FGF14: variants seen among roughly 807,000 people sequenced by gnomAD.
The protein encoded by FGF14 is fibroblast growth factor 14.
FGF14 carries 5 observed loss-of-function variants against 25.5 expected under a neutral mutation model. That is an observed-to-expected ratio of 0.20 (90% confidence interval 0.10 to 0.41). The LOEUF is 0.41. Ranked by LOEUF, FGF14 falls within the 10% of genes least tolerant of loss-of-function variation. The pLI, the probability that FGF14 is intolerant of heterozygous loss-of-function variation, is 1.00. For missense variants in FGF14, 222 were observed against 320.1 expected, an observed-to-expected ratio of 0.69 and a Z score of 2.34; for synonymous variants, 138 against 118.3, an observed-to-expected ratio of 1.17 and a Z score of -1.08.
intron 1 of FGF14, among the ~76,000 whole-genome samples, chr13:102,049,964 T>C (rs1453551604): frequency 3.3e-5 from 5 of 152,088 alleles, no homozygotes; most frequent in Non-Finnish European, 7.4e-5. Flanking sequence ...AGTGAGACAA[T>C]AGATTCCAAT....
intron 3 of FGF14, among the ~76,000 whole-genome samples, chr13:101,814,271 A>G (rs1000889131): frequency 6.6e-6 from 1 of 152,098 alleles, no homozygotes; most frequent in African/African-American, 2.4e-5. Context: ...GGTTTAAGAA[A>G]CCTTGTCCAA....
At chr13:101,953,271 T>C (rs1280370744) in intron 1 of FGF14, among the ~76,000 whole-genome samples, 1 of 152,154 alleles carries the variant, frequency 6.6e-6, no homozygotes, top group Non-Finnish European at 1.5e-5. Context: ...TTTATATTCT[T>C]CTGACTTTTT....
At chr13:102,031,194 C>A (rs2041190072) in intron 1 of FGF14, among the ~76,000 whole-genome samples, 1 of 152,082 alleles carries the variant, frequency 6.6e-6, no homozygotes, top group African/African-American at 2.4e-5. Flanking sequence ...CTTCTGCATA[C>A]TTATTTTGTA....
intron 1 of FGF14, among the ~76,000 whole-genome samples, chr13:101,975,206 GCCTCTTCTCATGGTA>G (rs1325946029): frequency 6.6e-6 from 1 of 151,994 alleles, no homozygotes; most frequent in Non-Finnish European, 1.5e-5. Context: ...TGTGTTTCCA[GCCTCTTCTCATGGTA>G]CTCTTTTCAC....
chr13:102,051,566 C>T (rs1007649084), intron 1 of FGF14, among the ~76,000 whole-genome samples: 4 of 152,194 alleles, frequency 2.6e-5, no homozygotes, highest in Non-Finnish European at 5.9e-5. Flanking sequence ...TGGCAGCCAT[C>T]ACCACCAAAT....
chr13:101,862,877 G>A (rs981740937), intron 3 of FGF14, among the ~76,000 whole-genome samples: 2 of 152,072 alleles, frequency 1.3e-5, no homozygotes, highest in African/African-American at 4.8e-5. Context: ...AAGAAATATT[G>A]TTAAAGCATG....
rs984935410 is a variant in FGF14, at chr13:101,720,827, C to A, written c.*2004G>T. The A allele has an allele frequency of 1.3e-5, 2 of 152,032 alleles. No individual in the cohort carries two copies. The highest frequency in any genetic ancestry group is 2.4e-5 in the African/African-American group (1 of 41,408). 9.4% of individuals were successfully genotyped at this position (152,032 alleles called of 1,614,324 possible). On this transcript the variant is annotated 3_prime_UTR_variant, in exon 5 of 5. Transcript: ENST00000376143. ...TTTGTTTGTTAGATTTGTAATTTAG[C>A]ATCATTGGCAATAAATCTACTCAAA... is the stretch of plus-strand genomic sequence containing the variant.
chr13:102,173,325 T>C lies in FGF14; in HGVS notation c.208+228146A>G, dbSNP rs544838590. Among the ~76,000 whole-genome samples, 2 of 152,060 alleles carry C rather than the reference T, an allele frequency of 1.3e-5. 1 individual carries two copies. The highest frequency in any genetic ancestry group is 4.2e-4 in the South Asian group (2 of 4,814). ...TAAGATGACTGTCATAAAAAAAAGA[T>C]AAAAAGCATTGGTGAGGACACGGAG... On this transcript the variant is annotated intron_variant, in intron 1 of 4. Transcript: ENST00000376131.
At chr13:101,912,470 T>TG (rs2033046183) in intron 1 of FGF14, among the ~76,000 whole-genome samples, 1 of 152,204 alleles carries the variant, frequency 6.6e-6, no homozygotes, top group Non-Finnish European at 1.5e-5. Flanking sequence ...ATAACACTTT[T>TG]GGGGATACAA....
chr13:101,880,584 A>G (rs2138793736), intron 1 of FGF14, among the ~76,000 whole-genome samples: 1 of 152,212 alleles, frequency 6.6e-6, no homozygotes, highest in Admixed American at 6.5e-5. Flanking sequence ...ACTAACAACA[A>G]CAAAAATAAA....
rs201890261 is a variant in FGF14 at position 102,224,443 on chromosome 13, TG to T, written c.208+177027del. Among the ~76,000 whole-genome samples the T allele has an allele frequency of 3.0e-3, 464 of 152,302 alleles. No individual in the cohort carries two copies. The Middle Eastern group carries it at 0.031, about 10-fold the overall frequency. On this transcript the variant is annotated intron_variant, in intron 1 of 4. Transcript: ENST00000376131. ...CAGGGTTATAGGGGTGTCAACTTTT[TG>T]GTGCACCATCATGTTATAGATTCGA...
At chr13:101,873,539 A>G (rs1380188747) in intron 2 of FGF14, among the ~76,000 whole-genome samples, 1 of 152,128 alleles carries the variant, frequency 6.6e-6, no homozygotes, top group Non-Finnish European at 1.5e-5. Context: ...AAACAAAATG[A>G]GAGAACACTG....
chr13:101,858,093 G>A (rs1283566714), intron 3 of FGF14, among the ~76,000 whole-genome samples: 1 of 151,564 alleles, frequency 6.6e-6, no homozygotes. Flanking sequence ...TAAGAAATGG[G>A]ATTAGTTATT....
intron 1 of FGF14, among the ~76,000 whole-genome samples, chr13:101,883,343 C>T (rs1292056101): frequency 1.3e-5 from 2 of 152,146 alleles, no homozygotes; most frequent in Admixed American, 6.6e-5. Flanking sequence ...TGCAACACAG[C>T]CACAGAAATA....
intron 3 of FGF14, among the ~76,000 whole-genome samples, chr13:101,864,916 T>C (rs537691748): frequency 6.6e-6 from 1 of 152,096 alleles, no homozygotes; most frequent in African/African-American, 2.4e-5. Flanking sequence ...GTAAACCCCA[T>C]AATTAACTTG....
At position 101,876,738 on chromosome 13, in the gene FGF14, T is replaced by C. The variant is rs150302936; in HGVS notation, c.194-1442A>G. ...AGTGATTATTGCATTGCGTTACATA[T>C]GTTCCTTATTCTGTAGTATATAACT... On this transcript the variant is annotated intron_variant, in intron 1 of 4. Transcript: ENST00000376143. 3.1e-3 allele frequency among the ~76,000 whole-genome samples: 474 copies of C among 152,308 alleles called. 1 individual carries two copies. The highest frequency in any genetic ancestry group is 0.011 in the African/African-American group (446 of 41,578).
intron 1 of FGF14, among the ~76,000 whole-genome samples, chr13:101,959,948 CTT>C: frequency 6.6e-6 from 1 of 152,258 alleles, no homozygotes; most frequent in African/African-American, 2.4e-5. Context: ...AAGTTGAAAA[CTT>C]TGAGAGGTGT....
At chr13:102,128,302 A>G (rs565773303) in intron 1 of FGF14, among the ~76,000 whole-genome samples, 60 of 152,158 alleles carry the variant, frequency 3.9e-4, no homozygotes, top group Non-Finnish European at 7.1e-4. Context: ...TTTTATCATT[A>G]ACACTATCTC....
intron 4 of FGF14, 187 bp from the exon 5 acceptor site, chr13:101,723,154 C>A: frequency 1.5e-6 from 1 of 686,360 alleles, no homozygotes; most frequent in South Asian, 1.6e-5. Flanking sequence ...ACATTACTCC[C>A]TTCACATTCT....
Sources: allele counts gnomAD v4.1 joint callset (sites outside exome capture counted in the v4.1 genomes callset), GRCh38; gene constraint gnomAD v4.1.1; transcripts MANE v1.5; gene names NCBI Gene and HGNC (gene_info 2026-07-23, HGNC 2026-07-21).